Variants in ATXN7L1 observed in about 807,000 individuals in gnomAD.
ATXN7L1 encodes ataxin-7-like protein 1.
In ATXN7L1, 15 loss-of-function variants were observed where a neutral mutation model predicts 70.8. The observed-to-expected ratio is 0.21, with a 90% CI of 0.14 to 0.33. The LOEUF (loss-of-function observed/expected upper bound fraction) is 0.33. Among genes scored for constraint, ATXN7L1 ranks in the 10% least tolerant of loss-of-function variants. The pLI, the probability that ATXN7L1 is intolerant of heterozygous loss-of-function variation, is 1.00. For synonymous variants in ATXN7L1, 440 were observed against 445.1 expected (o/e 0.99, Z 0.14); for missense variants, 975 against 1,097.1 (o/e 0.89, Z 1.57).
chr7:105,840,790 G>A (rs1385125179), intron 2 of ATXN7L1, among the ~76,000 whole-genome samples: 4 of 152,298 alleles, frequency 2.6e-5, no homozygotes, highest in Admixed American at 6.5e-5. Flanking sequence ...TACCGGCGGT[G>A]AGCACACTCT....
chr7:105,659,760 G>C (rs950043914), intron 4 of ATXN7L1, among the ~76,000 whole-genome samples: 3 of 151,886 alleles, frequency 2.0e-5, no homozygotes, highest in Non-Finnish European at 4.4e-5. Context: ...TCCCTGGCAG[G>C]CCCATCTGTA....
At chr7:105,748,073 G>T (rs898923853) in intron 3 of ATXN7L1, among the ~76,000 whole-genome samples, 1 of 149,552 alleles carries the variant, frequency 6.7e-6, no homozygotes, top group Non-Finnish European at 1.5e-5. Flanking sequence ...AGCCAAGATC[G>T]TGCCATTGCA....
chr7:105,619,822 G>A (rs1436258054), intron 9 of ATXN7L1, among the ~76,000 whole-genome samples: 2 of 151,976 alleles, frequency 1.3e-5, no homozygotes, highest in African/African-American at 2.4e-5. Flanking sequence ...CCTCCCAAGC[G>A]CTGGGATTAC....
chr7:105,753,399 C>T (rs1005187132), intron 3 of ATXN7L1, among the ~76,000 whole-genome samples: 7 of 152,156 alleles, frequency 4.6e-5, no homozygotes, highest in African/African-American at 1.4e-4. Context: ...TCCAAAAGCA[C>T]GGACATTCTG....
At chr7:105,730,390 G>A (rs929417555) in intron 3 of ATXN7L1, among the ~76,000 whole-genome samples, 2 of 151,926 alleles carry the variant, frequency 1.3e-5, no homozygotes, top group African/African-American at 4.8e-5. Context: ...AAACTGTCAA[G>A]TTTATTTAAA....
At chr7:105,740,709 G>A (rs927710569) in intron 3 of ATXN7L1, among the ~76,000 whole-genome samples, 7 of 151,538 alleles carry the variant, frequency 4.6e-5, no homozygotes, top group African/African-American at 1.7e-4. Context: ...AGCTTGTTGT[G>A]AGGATTAGAG....
chr7:105,838,667 G>A (rs1812766239), intron 2 of ATXN7L1, among the ~76,000 whole-genome samples: 1 of 152,188 alleles, frequency 6.6e-6, no homozygotes, highest in Non-Finnish European at 1.5e-5. Context: ...AAAAAGGCCT[G>A]TGGCTGGCAA....
rs1817000543 is a variant in ATXN7L1 at position 105,863,913 on chromosome 7, G to T, written c.250+11899C>A. ...AGTTGGGCTGTGTTTAGCCCAAAAG[G>T]TACCAGAAAAATAAATTTAAAACAC... On this transcript the variant is annotated intron_variant, in intron 2 of 11. Coordinates refer to ENST00000419735, the MANE Select transcript of ATXN7L1 (RefSeq NM_020725.2). Among the ~76,000 whole-genome samples, 6 of 123,096 alleles carry T rather than the reference G, an allele frequency of 4.9e-5. No individual in the cohort carries two copies. The South Asian group carries it at 1.4e-3, about 28-fold the overall frequency. 80.8% of individuals were successfully genotyped at this position (123,096 alleles called of 152,430 possible).
chr7:105,767,280 G>T (rs1206773829), intron 3 of ATXN7L1, among the ~76,000 whole-genome samples: 1 of 152,204 alleles, frequency 6.6e-6, no homozygotes, highest in African/African-American at 2.4e-5. Flanking sequence ...TAGAAGGGAG[G>T]CCCACCGGGA....
chr7:105,824,854 G>A (rs574394332), intron 2 of ATXN7L1, among the ~76,000 whole-genome samples: 5 of 151,026 alleles, frequency 3.3e-5, no homozygotes, highest in African/African-American at 9.7e-5. Context: ...GGCAGGGCTT[G>A]CAGTGAGCTG....
At chr7:105,859,389 A>T (rs190554468) in intron 2 of ATXN7L1, among the ~76,000 whole-genome samples, 47 of 152,102 alleles carry the variant, frequency 3.1e-4, no homozygotes, top group Non-Finnish European at 6.6e-4. Context: ...ACAGAAATAT[A>T]AATATATATA....
rs1332089007 is a variant in ATXN7L1, at chr7:105,817,118, T to C, written c.251-28410A>G. On this transcript the variant is annotated intron_variant, in intron 2 of 11. Coordinates refer to ENST00000419735, the MANE Select transcript of ATXN7L1 (RefSeq NM_020725.2). The stretch of plus-strand genomic sequence containing the variant: ...CAAGGCCTGGGAGCAGGATGGGATA[T>C]TTATTTTTATTATCTCTCTGATGTG... 2.0e-5 allele frequency among the ~76,000 whole-genome samples: 3 copies of C among 152,238 alleles called. No homozygotes were observed. In the South Asian group the frequency reaches 6.2e-4, roughly 31 times the overall value.
chr7:105,649,971 C>T (rs1469347903), intron 4 of ATXN7L1, among the ~76,000 whole-genome samples: 1 of 152,226 alleles, frequency 6.6e-6, no homozygotes, highest in Non-Finnish European at 1.5e-5. Context: ...CCATATCACC[C>T]AGCCTCTTGG....
chr7:105,681,683 T>C (rs1005987630), intron 3 of ATXN7L1, among the ~76,000 whole-genome samples: 5 of 152,164 alleles, frequency 3.3e-5, no homozygotes, highest in Admixed American at 6.5e-5. Context: ...GAGAATCCTA[T>C]AATGGAATGT....
At chr7:105,688,608 C>T (rs1790299332) in intron 3 of ATXN7L1, among the ~76,000 whole-genome samples, 1 of 152,176 alleles carries the variant, frequency 6.6e-6, no homozygotes, top group African/African-American at 2.4e-5. Flanking sequence ...AATTCTCTCT[C>T]TCTCTACCTT....
At chr7:105,798,956 C>T (rs117396445) in intron 2 of ATXN7L1, among the ~76,000 whole-genome samples, 26 of 152,312 alleles carry the variant, frequency 1.7e-4, no homozygotes, top group East Asian at 5.8e-4. Flanking sequence ...TGATGAGAAA[C>T]GCAGTTCTCA....
intron 3 of ATXN7L1, chr7:105,679,144 G>C (rs1365843648): frequency 1.0e-6 from 1 of 986,014 alleles, no homozygotes; most frequent in African/African-American, 1.7e-5. Context: ...CTGGCTCCTG[G>C]ATGAGGGCCC....
intron 3 of ATXN7L1, among the ~76,000 whole-genome samples, chr7:105,776,879 C>T (rs1011747222): frequency 2.6e-5 from 4 of 152,150 alleles, no homozygotes; most frequent in Non-Finnish European, 5.9e-5. Flanking sequence ...AAGCGATTCT[C>T]GTGCCTCAGC....
chr7:105,670,987 G>A (rs1803493870), intron 3 of ATXN7L1, among the ~76,000 whole-genome samples: 1 of 151,784 alleles, frequency 6.6e-6, no homozygotes, highest in African/African-American at 2.4e-5. Flanking sequence ...GCGCCTGTTA[G>A]TCCCAGCTAC....
Sources: gnomAD v4.1 joint callset for allele counts (sites outside exome capture counted in the v4.1 genomes callset) on GRCh38, gnomAD v4.1.1 for gene constraint, MANE v1.5 for transcripts, NCBI Gene and HGNC (gene_info 2026-07-23, HGNC 2026-07-21) for gene names.